Variants in DRGX observed in about 807,000 individuals in gnomAD.
DRGX encodes the protein dorsal root ganglia homeobox.
In DRGX, 21 loss-of-function variants were observed where a neutral mutation model predicts 28.6. That is an observed-to-expected ratio of 0.73 (90% CI 0.52 to 1.06). The LOEUF (loss-of-function observed/expected upper bound fraction) is 1.06. DRGX is among the 50% of genes least tolerant of loss of function. The pLI is 0.00. For missense variants in DRGX, 354 were observed against 343.9 expected (o/e 1.03, Z -0.23); for synonymous variants, 136 against 139.1 (o/e 0.98, Z 0.16).
At chr10:49,375,472 T>C (rs58499593) in intron 6 of DRGX, among the ~76,000 whole-genome samples, 7,997 of 152,290 alleles carry the variant, frequency 0.053, 595 homozygotes, top group African/African-American at 0.17. Context: ...AAAGAAAAAC[T>C]GTATTCTTAA....
intron 4 of DRGX, among the ~76,000 whole-genome samples, chr10:49,387,718 G>A (rs1849855923): frequency 6.6e-6 from 1 of 151,990 alleles, no homozygotes; most frequent in Non-Finnish European, 1.5e-5. Context: ...CACTGACTCT[G>A]GATCTAGCCA....
chr10:49,387,008 G>A (rs1849847738), intron 4 of DRGX, 150 bp from the exon 5 acceptor site: 1 of 891,140 alleles, frequency 1.1e-6, no homozygotes, highest in Non-Finnish European at 1.6e-6. Context: ...CCACAGAGGG[G>A]TCAGAAGATC....
chr10:49,380,042 G>C (rs146842375), intron 6 of DRGX, among the ~76,000 whole-genome samples: 1 of 152,316 alleles, frequency 6.6e-6, no homozygotes, highest in African/African-American at 2.4e-5. Context: ...TCTGACTCTA[G>C]GGAACCACGC....
chr10:49,373,857 A>G (rs764805372), intron 6 of DRGX, among the ~76,000 whole-genome samples: 12 of 152,194 alleles, frequency 7.9e-5, no homozygotes, highest in Non-Finnish European at 1.5e-4. Context: ...ACAGCCATAG[A>G]CCACATAAAT....
intron 4 of DRGX, among the ~76,000 whole-genome samples, chr10:49,388,094 C>T (rs1279186662): frequency 1.3e-5 from 2 of 152,202 alleles, no homozygotes; most frequent in African/African-American, 2.4e-5. Context: ...TGGTAATTCA[C>T]CTTGACCTGA....
chr10:49,374,980 C>A (rs899716793), intron 6 of DRGX, among the ~76,000 whole-genome samples: 2 of 152,204 alleles, frequency 1.3e-5, no homozygotes, highest in Non-Finnish European at 2.9e-5. Flanking sequence ...AACTAATAAA[C>A]ATTTTGTGAG....
chr10:49,389,634 A>C (rs990375918), intron 4 of DRGX, among the ~76,000 whole-genome samples: 16 of 152,114 alleles, frequency 1.1e-4, no homozygotes, highest in Admixed American at 9.8e-4. Context: ...CTGTTTAAAG[A>C]TTTTTAAATT....
intron 6 of DRGX, among the ~76,000 whole-genome samples, chr10:49,376,730 C>G (rs114300464): frequency 6.6e-6 from 1 of 152,146 alleles, no homozygotes; most frequent in African/African-American, 2.4e-5. Flanking sequence ...TCAAGAAGGA[C>G]GCAGCATTGC....
rs867908614 is a variant in DRGX at position 49,366,136 on chromosome 10, C to G, written c.772G>C (p.Glu258Gln). 3 of 1,600,154 alleles carry G rather than the reference C, an allele frequency of 1.9e-6. No homozygotes were observed. The highest frequency in any genetic ancestry group is 2.6e-6 in the Non-Finnish European group (3 of 1,171,982). Residue 258 changes from glutamate (E) to glutamine (Q), a missense_variant, in exon 7 of 7, where the codon GAG (glutamate) becomes CAG (glutamine). Physicochemically the swap from Glu to Gln is conservative, Grantham distance 29. Coordinates refer to ENST00000374139, the MANE Select transcript of DRGX (RefSeq NM_001276451.2). ...EKTSPTKEQS[E>Q]AEKSV ...GACCCTCATACACTCTTCTCTGCCT[C>G]GCTCTGTTCCTTGGTGGGAGAGGTC...
chr10:49,367,887 G>A (rs1849616608), intron 6 of DRGX, among the ~76,000 whole-genome samples: 1 of 152,196 alleles, frequency 6.6e-6, no homozygotes, highest in Admixed American at 6.5e-5. Context: ...ACAAATGTCT[G>A]TGCTCACTGG....
At chr10:49,391,891 C>T in intron 2 of DRGX, 3 of 512,404 alleles carry the variant, frequency 5.9e-6, no homozygotes, top group South Asian at 3.0e-5. Flanking sequence ...TGTCAATTAA[C>T]AAGAGATCTG....
chr10:49,367,805 G>A (rs1215700072), intron 6 of DRGX, among the ~76,000 whole-genome samples: 2 of 152,220 alleles, frequency 1.3e-5, no homozygotes, highest in Non-Finnish European at 2.9e-5. Flanking sequence ...AGTGAGCTTT[G>A]AGCTGCTGTT....
At chr10:49,391,691 C>G (rs1365474078) in intron 2 of DRGX, 3 of 451,592 alleles carry the variant, frequency 6.6e-6, no homozygotes, top group Non-Finnish European at 1.3e-5. Flanking sequence ...GTTTACTTTC[C>G]CTTGTTTCTA....
At chr10:49,372,745 C>A (rs2132471691) in intron 6 of DRGX, among the ~76,000 whole-genome samples, 1 of 152,328 alleles carries the variant, frequency 6.6e-6, no homozygotes, top group African/African-American at 2.4e-5. Context: ...ATGGTACATG[C>A]AGTGACTGCT....
At chr10:49,368,638 T>C (rs1234849361) in intron 6 of DRGX, among the ~76,000 whole-genome samples, 1 of 152,238 alleles carries the variant, frequency 6.6e-6, no homozygotes, top group African/African-American at 2.4e-5. Context: ...CTTATCTTCC[T>C]CCAAGTCTTC....
intron 6 of DRGX, among the ~76,000 whole-genome samples, chr10:49,384,902 T>C (rs1432294148): frequency 6.6e-6 from 1 of 152,086 alleles, no homozygotes; most frequent in Non-Finnish European, 1.5e-5. Flanking sequence ...GAGGCCAGAG[T>C]AGGGCGAGCG....
In DRGX at chr10:49,370,202, C is replaced by T. The variant is rs562978161; in HGVS notation, c.527-3821G>A. 7.2e-5 allele frequency among the ~76,000 whole-genome samples: 11 copies of T among 152,154 alleles called. No individual in the cohort carries two copies. The East Asian group carries it at 1.5e-3, about 21-fold the overall frequency. On this transcript the variant is annotated intron_variant, in intron 6 of 6. Coordinates refer to ENST00000374139, the MANE Select transcript of DRGX (RefSeq NM_001276451.2). Reference sequence around the variant, plus strand: ...AGTGGATCACCTGAGGTCTGGAGTTCGAGACCAGCCTGACCAATATGGTGA... The same window carrying T: ...AGTGGATCACCTGAGGTCTGGAGTTTGAGACCAGCCTGACCAATATGGTGA...
At chr10:49,395,646 A>G in intron 1 of DRGX, 125 bp from the exon 2 acceptor site, 1 of 636,078 alleles carries the variant, frequency 1.6e-6, no homozygotes, top group Non-Finnish European at 2.8e-6. Flanking sequence ...ACTGCGGGGG[A>G]CAGGAGGGAA....
At chr10:49,392,787 CT>C (rs1230452865) in intron 2 of DRGX, among the ~76,000 whole-genome samples, 1 of 152,100 alleles carries the variant, frequency 6.6e-6, no homozygotes, top group East Asian at 1.9e-4. Flanking sequence ...GAGAATAGCT[CT>C]TTTACTTAAA....
Sources: allele counts gnomAD v4.1 joint callset (sites outside exome capture counted in the v4.1 genomes callset), GRCh38; gene constraint gnomAD v4.1.1; transcripts MANE v1.5; gene names NCBI Gene and HGNC (gene_info 2026-07-23, HGNC 2026-07-21).